The following TENM3 variants were observed in gnomAD, a reference collection of about 807,000 sequenced individuals.
The protein encoded by TENM3 is teneurin-3.
TENM3 carries 63 observed loss-of-function variants against 255.1 expected under a neutral mutation model. The ratio of observed to expected loss-of-function variants is 0.25; its 90% CI spans 0.20 to 0.30. The LOEUF (loss-of-function observed/expected upper bound fraction) is 0.30, where lower values mean the gene tolerates loss of function less well. TENM3 is among the 10% of genes least tolerant of loss of function. The pLI is 1.00. For missense variants in TENM3, 2,929 were observed against 3,461.1 expected (o/e 0.85, Z 3.86); for synonymous variants, 1,306 against 1,322.3 (o/e 0.99, Z 0.27).
the TENM3 span, among the ~76,000 whole-genome samples, chr4:181,634,284 T>A: frequency 6.6e-6 from 1 of 152,158 alleles, no homozygotes; most frequent in African/African-American, 2.4e-5. Flanking sequence ...ATTGAAGTCA[T>A]AAATGTGGCA....
chr4:181,859,508 G>T, the TENM3 span, among the ~76,000 whole-genome samples: 21 of 152,200 alleles, frequency 1.4e-4, no homozygotes, highest in Middle Eastern at 0.01. Flanking sequence ...TATTACTGTG[G>T]TTCTCATCAT....
At chr4:181,477,121 T>C in the TENM3 span, among the ~76,000 whole-genome samples, 1 of 152,100 alleles carries the variant, frequency 6.6e-6, no homozygotes, top group Non-Finnish European at 1.5e-5. Context: ...TAAACACTTA[T>C]TGAAAGAATA....
chr4:182,049,289 G>A, the TENM3 span, among the ~76,000 whole-genome samples: 1 of 152,126 alleles, frequency 6.6e-6, no homozygotes, highest in Non-Finnish European at 1.5e-5. Context: ...CAAAGAATGA[G>A]GTGTGCAAAG....
At chr4:181,844,581 T>C in the TENM3 span, among the ~76,000 whole-genome samples, 2 of 151,328 alleles carry the variant, frequency 1.3e-5, no homozygotes, top group Non-Finnish European at 2.9e-5. Context: ...GGCAGGAGAA[T>C]GGCGTGAACC....
chr4:181,879,146 T>C, the TENM3 span, among the ~76,000 whole-genome samples: 1 of 152,178 alleles, frequency 6.6e-6, no homozygotes, highest in Non-Finnish European at 1.5e-5. Flanking sequence ...TGAGTCCATG[T>C]GCAGAAATAT....
At chr4:182,386,834 C>A (rs899157157) in intron 3 of TENM3, among the ~76,000 whole-genome samples, 2 of 152,248 alleles carry the variant, frequency 1.3e-5, no homozygotes, top group Non-Finnish European at 2.9e-5. Context: ...AGCCTTCCCC[C>A]GCCTCCGTGG....
At chr4:182,100,041 G>T in the TENM3 span, among the ~76,000 whole-genome samples, 2 of 151,964 alleles carry the variant, frequency 1.3e-5, no homozygotes, top group East Asian at 3.9e-4. Context: ...TAAATCAACT[G>T]CAGGTAAGTT....
the TENM3 span, among the ~76,000 whole-genome samples, chr4:181,785,733 G>A: frequency 6.6e-6 from 1 of 151,366 alleles, no homozygotes; most frequent in African/African-American, 2.4e-5. Context: ...AATGAAATCC[G>A]ACACACCTGT....
chr4:182,269,483 G>T (rs780777560), intron 1 of TENM3, among the ~76,000 whole-genome samples: 1 of 152,116 alleles, frequency 6.6e-6, no homozygotes, highest in Non-Finnish European at 1.5e-5. Context: ...TTAAGTAGAC[G>T]ATCACTGAGA....
At chr4:181,498,593 G>A in the TENM3 span, among the ~76,000 whole-genome samples, 28 of 152,302 alleles carry the variant, frequency 1.8e-4, no homozygotes, top group African/African-American at 6.0e-4. Flanking sequence ...CATGTGGAGC[G>A]GGGAGACATT....
At chr4:181,689,051 T>C in the TENM3 span, among the ~76,000 whole-genome samples, 8 of 152,324 alleles carry the variant, frequency 5.3e-5, no homozygotes, top group Non-Finnish European at 1.0e-4. Context: ...TCCACATGTA[T>C]AGCCCCATTC....
At chr4:182,436,587 A>G (rs1200583797) in intron 3 of TENM3, among the ~76,000 whole-genome samples, 1 of 152,224 alleles carries the variant, frequency 6.6e-6, no homozygotes, top group Non-Finnish European at 1.5e-5. Context: ...CTTGCAAAGT[A>G]TGTACACCTT....
the TENM3 span, among the ~76,000 whole-genome samples, chr4:181,729,504 T>C: frequency 1.3e-5 from 2 of 152,168 alleles, no homozygotes; most frequent in African/African-American, 2.4e-5. Context: ...AGCCAGGTTG[T>C]TTTTATTTGT....
intron 1 of TENM3, among the ~76,000 whole-genome samples, chr4:182,205,242 C>T (rs1754474394): frequency 6.6e-6 from 1 of 152,264 alleles, no homozygotes; most frequent in Non-Finnish European, 1.5e-5. Context: ...AATTTCACAA[C>T]TGCTGCTTTG....
the TENM3 span, among the ~76,000 whole-genome samples, chr4:181,754,385 T>C: frequency 6.6e-6 from 1 of 151,830 alleles, no homozygotes; most frequent in Non-Finnish European, 1.5e-5. Flanking sequence ...AAGACAGATG[T>C]AAAATAAACT....
chr4:182,278,822 T>C (rs1253579263), intron 1 of TENM3, among the ~76,000 whole-genome samples: 1 of 152,154 alleles, frequency 6.6e-6, no homozygotes, highest in Non-Finnish European at 1.5e-5. Context: ...ATGGTGCTAG[T>C]GTAGGTTTGG....
chr4:181,852,241 A>G, the TENM3 span, among the ~76,000 whole-genome samples: 1 of 152,260 alleles, frequency 6.6e-6, no homozygotes, highest in Non-Finnish European at 1.5e-5. Context: ...TTGGCTGGAC[A>G]TGAATAAGTC....
chr4:181,500,115 G>T, the TENM3 span, among the ~76,000 whole-genome samples: 2 of 150,796 alleles, frequency 1.3e-5, no homozygotes, highest in African/African-American at 4.9e-5. Context: ...TGCAACCTAC[G>T]CCTCTTAGGT....
the TENM3 span, among the ~76,000 whole-genome samples, chr4:182,095,013 G>A: frequency 6.6e-6 from 1 of 151,806 alleles, no homozygotes; most frequent in Non-Finnish European, 1.5e-5. Context: ...AAGAGAAAGT[G>A]ACCAAAAGAC....
Sources: allele counts gnomAD v4.1 joint callset (sites outside exome capture counted in the v4.1 genomes callset), GRCh38; gene constraint gnomAD v4.1.1; transcripts MANE v1.5; gene names NCBI Gene and HGNC (gene_info 2026-07-23, HGNC 2026-07-21).